Variants in DDC observed in about 807,000 individuals in gnomAD.
The protein encoded by DDC is aromatic-L-amino-acid decarboxylase.
In DDC, 43 loss-of-function variants were observed where a neutral mutation model predicts 60.0. The ratio of observed to expected loss-of-function variants is 0.72; its 90% CI spans 0.56 to 0.92. The LOEUF is 0.92. Among genes scored for constraint, DDC ranks in the 40% least tolerant of loss-of-function variants. The pLI is 0.00. For synonymous variants in DDC, 232 were observed against 234.6 expected (o/e 0.99, Z 0.10); for missense variants, 573 against 620.2 (o/e 0.92, Z 0.81).
chr7:50,497,131 G>A (rs1355967601), intron 8 of DDC, among the ~76,000 whole-genome samples: 3 of 152,180 alleles, frequency 2.0e-5, no homozygotes, highest in Admixed American at 2.0e-4. Flanking sequence ...CGGAGAGAAA[G>A]GCTCTTATCT....
intron 8 of DDC, among the ~76,000 whole-genome samples, chr7:50,497,415 C>T (rs779332059): frequency 6.6e-6 from 1 of 152,164 alleles, no homozygotes; most frequent in Non-Finnish European, 1.5e-5. Context: ...GAAAAGATCA[C>T]GAACCCTAAA....
chr7:50,506,098 G>T (rs188444362), intron 6 of DDC, among the ~76,000 whole-genome samples: 1 of 152,182 alleles, frequency 6.6e-6, no homozygotes, highest in Non-Finnish European at 1.5e-5. Flanking sequence ...GATTAGGATC[G>T]GCTGGTTTGA....
chr7:50,495,799 T>C (rs1432647929), intron 8 of DDC, among the ~76,000 whole-genome samples: 1 of 152,262 alleles, frequency 6.6e-6, no homozygotes, highest in Non-Finnish European at 1.5e-5. Context: ...ATCCATATTA[T>C]ATTTTAAATT....
chr7:50,545,046 T>C (rs1472756584), intron 1 of DDC, among the ~76,000 whole-genome samples: 19 of 152,012 alleles, frequency 1.2e-4, no homozygotes, highest in African/African-American at 2.9e-4. Flanking sequence ...TGCACCACAT[T>C]TGGGGGTCAT....
intron 6 of DDC, among the ~76,000 whole-genome samples, chr7:50,512,807 C>A (rs2043617077): frequency 1.3e-5 from 2 of 152,188 alleles, no homozygotes. Context: ...TTATTTTCCT[C>A]TTTTCCCTTT....
At chr7:50,555,274 G>A (rs74717233) in intron 1 of DDC, among the ~76,000 whole-genome samples, 3,521 of 152,234 alleles carry the variant, frequency 0.023, 153 homozygotes, top group African/African-American at 0.08. Flanking sequence ...TGGCTTGTGT[G>A]GTTTGGAGTC....
intron 6 of DDC, among the ~76,000 whole-genome samples, chr7:50,509,928 A>C (rs2043502123): frequency 6.6e-6 from 1 of 152,214 alleles, no homozygotes; most frequent in Non-Finnish European, 1.5e-5. Context: ...AATTCTGATA[A>C]GTAAATTTTC....
At chr7:50,544,714 T>C (rs1028212697) in intron 1 of DDC, among the ~76,000 whole-genome samples, 6 of 152,202 alleles carry the variant, frequency 3.9e-5, no homozygotes, top group African/African-American at 1.4e-4. Context: ...ATAAGTAATA[T>C]ACAGGCAATT....
chr7:50,470,474 C>T (rs2042505297), intron 11 of DDC, among the ~76,000 whole-genome samples: 1 of 152,182 alleles, frequency 6.6e-6, no homozygotes, highest in South Asian at 2.1e-4. Context: ...TTGGGCTGTC[C>T]CCTAGGGTTC....
intron 7 of DDC, among the ~76,000 whole-genome samples, chr7:50,499,975 T>C (rs1338085824): frequency 1.3e-5 from 2 of 152,160 alleles, no homozygotes; most frequent in Non-Finnish European, 2.9e-5. Context: ...ATAGTACCCA[T>C]AGGCCCAAGG....
chr7:50,515,962 G>T (rs899080349), intron 6 of DDC, among the ~76,000 whole-genome samples: 4 of 152,128 alleles, frequency 2.6e-5, no homozygotes, highest in African/African-American at 9.7e-5. Flanking sequence ...GAGATAGACA[G>T]CAACACAATA....
At chr7:50,481,699 C>T (rs2042773039) in intron 9 of DDC, among the ~76,000 whole-genome samples, 1 of 152,184 alleles carries the variant, frequency 6.6e-6, no homozygotes. Flanking sequence ...CAAGAGGCCA[C>T]AAGGCTGAAT....
chr7:50,553,484 C>CTTTTTTTTTTTTT (rs5884158), intron 1 of DDC, among the ~76,000 whole-genome samples: 16 of 90,914 alleles, frequency 1.8e-4, no homozygotes, highest in South Asian at 4.1e-4. Flanking sequence ...TCTTTCTTTT[C>CTTTTTTTTTTTTT]TTTTTTTTTT....
At chr7:50,553,966 C>A (rs574987380) in intron 1 of DDC, among the ~76,000 whole-genome samples, 4 of 152,270 alleles carry the variant, frequency 2.6e-5, no homozygotes, top group Non-Finnish European at 5.9e-5. Context: ...CTTTCTTTAA[C>A]CCTTAAGACT....
intron 14 of DDC, among the ~76,000 whole-genome samples, chr7:50,462,839 G>T (rs979657554): frequency 1.4e-5 from 2 of 146,390 alleles, no homozygotes; most frequent in Admixed American, 1.4e-4. Flanking sequence ...GCGCGATCTC[G>T]GCTCACGGCA....
intron 9 of DDC, among the ~76,000 whole-genome samples, chr7:50,487,398 G>T (rs890658244): frequency 6.6e-6 from 1 of 152,078 alleles, no homozygotes. Context: ...TGTGTTTTTG[G>T]TAAAGTTTAT....
At chr7:50,498,505 G>A (rs527375823) in intron 8 of DDC, among the ~76,000 whole-genome samples, 1 of 152,346 alleles carries the variant, frequency 6.6e-6, no homozygotes, top group South Asian at 2.1e-4. Context: ...AATCCCGCTT[G>A]AGTCTGAAAT....
intron 14 of DDC, among the ~76,000 whole-genome samples, chr7:50,461,575 T>C (rs1176576273): frequency 6.6e-6 from 1 of 152,224 alleles, no homozygotes; most frequent in Non-Finnish European, 1.5e-5. Context: ...CATATGTTCT[T>C]CTGGGCGTAT....
chr7:50,485,383 T>C (rs971393508), intron 9 of DDC, among the ~76,000 whole-genome samples: 17 of 152,242 alleles, frequency 1.1e-4, no homozygotes, highest in Non-Finnish European at 4.4e-5. Flanking sequence ...TTCAATTATT[T>C]TGTCTATTTC....
Sources: allele counts gnomAD v4.1 joint callset (sites outside exome capture counted in the v4.1 genomes callset), GRCh38; gene constraint gnomAD v4.1.1; transcripts MANE v1.5; gene names NCBI Gene and HGNC (gene_info 2026-07-23, HGNC 2026-07-21).